Variants in EYS observed in about 807,000 individuals in gnomAD.
EYS encodes EGF-like photoreceptor maintenance factor.
Under a neutral mutation model 282.1 loss-of-function variants are expected in EYS, and 250 were observed. The ratio of observed to expected loss-of-function variants is 0.89; its 90% CI spans 0.80 to 0.98. EYS has a LOEUF of 0.98. Ranked by LOEUF, EYS falls within the 50% of genes least tolerant of loss-of-function variation. The pLI, the probability that EYS is intolerant of heterozygous loss-of-function variation, is 0.00. For synonymous variants in EYS, 1,355 were observed against 1,282.9 expected (o/e 1.06, Z -1.20); for missense variants, 4,016 against 3,709.0 (o/e 1.08, Z -2.15).
chr6:65,305,380 C>A (rs1365239244), intron 11 of EYS, among the ~76,000 whole-genome samples: 1 of 152,182 alleles, frequency 6.6e-6, no homozygotes, highest in East Asian at 1.9e-4. Context: ...ACAGCTGCTA[C>A]CATTAAGGAC....
intron 15 of EYS, among the ~76,000 whole-genome samples, chr6:64,939,429 G>C (rs184295344): frequency 2.8e-4 from 42 of 151,812 alleles, no homozygotes; most frequent in African/African-American, 1.0e-3. Context: ...GCCATGTCAG[G>C]GTTATCTAGA....
At chr6:65,362,263 T>G (rs1215743570) in intron 8 of EYS, among the ~76,000 whole-genome samples, 2 of 152,006 alleles carry the variant, frequency 1.3e-5, no homozygotes, top group Admixed American at 6.6e-5. Flanking sequence ...ACAAATAAAG[T>G]AAAAGAATGA....
intron 30 of EYS, among the ~76,000 whole-genome samples, chr6:64,233,985 G>A (rs1766510111): frequency 6.6e-6 from 1 of 152,182 alleles, no homozygotes. Context: ...ACAGACATTT[G>A]TCTGGCACAA....
At chr6:63,744,104 GA>G (rs1769150796) in intron 41 of EYS, 1 of 152,176 alleles carries the variant, frequency 6.6e-6, no homozygotes, top group Non-Finnish European at 1.5e-5. Context: ...CTTGGATTAT[GA>G]ATATATTTTA....
chr6:64,703,753 G>C (rs1770877510), intron 22 of EYS, among the ~76,000 whole-genome samples: 1 of 151,792 alleles, frequency 6.6e-6, no homozygotes. Flanking sequence ...GTTATTACAA[G>C]AACAAAAATG....
At chr6:64,234,880 CTT>C (rs11309411) in intron 30 of EYS, among the ~76,000 whole-genome samples, 1 of 146,496 alleles carries the variant, frequency 6.8e-6, no homozygotes, top group Admixed American at 6.8e-5. Flanking sequence ...GAACTTTATT[CTT>C]TTTTTTTTTC....
At chr6:64,681,680 T>A (rs1002050514) in intron 22 of EYS, among the ~76,000 whole-genome samples, 3 of 151,802 alleles carry the variant, frequency 2.0e-5, no homozygotes, top group Non-Finnish European at 2.9e-5. Context: ...CATCACAAGG[T>A]CAGGATGTTG....
intron 22 of EYS, among the ~76,000 whole-genome samples, chr6:64,777,086 A>G (rs902078092): frequency 1.1e-4 from 17 of 152,152 alleles, no homozygotes; most frequent in African/African-American, 3.9e-4. Flanking sequence ...ATCACATCTT[A>G]TGATAACTAA....
At position 65,046,010 on chromosome 6, in the gene EYS, C is replaced by A. The variant is rs1372561619; in HGVS notation, c.2137+11604G>T. Among the ~76,000 whole-genome samples the A allele has an allele frequency of 2.0e-5, 3 of 151,774 alleles. No individual in the cohort carries two copies. The East Asian group carries it at 5.8e-4, about 30-fold the overall frequency. On this transcript the variant is annotated intron_variant, in intron 13 of 42. Transcript: ENST00000503581. ...TGTTTCATTATTATTGCATCATATT[C>A]CTTTTGTCCCTCTTAAGCAACAGTT...
intron 26 of EYS, among the ~76,000 whole-genome samples, chr6:64,547,420 C>A (rs976891464): frequency 6.6e-6 from 1 of 152,098 alleles, no homozygotes; most frequent in Non-Finnish European, 1.5e-5. Flanking sequence ...TTATCCACCT[C>A]CCCACTAGAT....
Position 64,416,518 on chromosome 6 carries a change from C to CTTT in EYS, c.5927+19653_5927+19655dup, listed in dbSNP as rs371267333. Among the ~76,000 whole-genome samples, 1,181 of 139,830 alleles carry CTTT rather than the reference C, an allele frequency of 8.4e-3. 19 individuals carry two copies. Among genetic ancestry groups the CTTT allele is most frequent in the Middle Eastern group, 0.054 (14 of 258 alleles). The allele number at this position is 139,830 out of a possible 152,430, so 91.7% of individuals were successfully genotyped here. A position where few individuals can be genotyped will look rare whatever the true frequency, so the allele number is the denominator to read the frequency against. On this transcript the variant is annotated intron_variant, in intron 28 of 42. Coordinates refer to ENST00000503581, the MANE Select transcript of EYS (RefSeq NM_001142800.2). ...ATGAGTTCTTTATAAGCCGTTAGGT[C>CTTT]TTTTTTTTTTTTTCTTTTCCTCTGG...
At chr6:64,102,132 C>T (rs1772850624) in intron 31 of EYS, among the ~76,000 whole-genome samples, 3 of 151,932 alleles carry the variant, frequency 2.0e-5, no homozygotes, top group Non-Finnish European at 4.4e-5. Flanking sequence ...TGCTAGGAAC[C>T]CCTGGTCTAT....
intron 30 of EYS, among the ~76,000 whole-genome samples, chr6:64,302,892 A>T (rs566506847): frequency 1.3e-5 from 2 of 152,284 alleles, no homozygotes; most frequent in African/African-American, 2.4e-5. Flanking sequence ...GAAAAAGAGG[A>T]TATGCTTGTT....
intron 16 of EYS, among the ~76,000 whole-genome samples, chr6:64,905,614 A>G (rs1482977211): frequency 1.3e-5 from 2 of 152,256 alleles, no homozygotes; most frequent in Non-Finnish European, 2.9e-5. Context: ...TTTAAAACCT[A>G]CTGCTCAAAT....
At chr6:64,954,700 T>C (rs908883592) in intron 14 of EYS, among the ~76,000 whole-genome samples, 9 of 152,086 alleles carry the variant, frequency 5.9e-5, no homozygotes, top group African/African-American at 1.9e-4. Flanking sequence ...AATTAGCAAC[T>C]GAGGCAGAGC....
At chr6:65,247,635 C>A (rs1767213135) in intron 12 of EYS, among the ~76,000 whole-genome samples, 1 of 152,010 alleles carries the variant, frequency 6.6e-6, no homozygotes, top group Non-Finnish European at 1.5e-5. Flanking sequence ...AATGATCTCA[C>A]TATGCATTCT....
At position 64,116,320 on chromosome 6, in the gene EYS, G is replaced by A. The variant is rs1773384029; in HGVS notation, c.6425-34318C>T. ...ATATGGCTATCAGTGGATTTCTCAG[G>A]AAGAACTTCGTAGTCCAGGAAAGAA... is the stretch of plus-strand genomic sequence containing the variant. On this transcript the variant is annotated intron_variant, in intron 31 of 42. Transcript: ENST00000503581. 2.0e-5 allele frequency among the ~76,000 whole-genome samples: 3 copies of A among 152,066 alleles called. No individual in the cohort carries two copies. The South Asian group carries it at 6.2e-4, about 32-fold the overall frequency.
chr6:64,829,465 A>G (rs1174145918), intron 19 of EYS, among the ~76,000 whole-genome samples: 4 of 151,988 alleles, frequency 2.6e-5, no homozygotes, highest in Non-Finnish European at 4.4e-5. Context: ...TCTCCTGCCA[A>G]TAGATGTTTG....
chr6:65,650,407 A>G (rs1767613060), intron 1 of EYS, among the ~76,000 whole-genome samples: 1 of 152,166 alleles, frequency 6.6e-6, no homozygotes, highest in Non-Finnish European at 1.5e-5. Flanking sequence ...ACTATTTAGC[A>G]TGCCAGGCTG....
Sources: allele counts gnomAD v4.1 joint callset (sites outside exome capture counted in the v4.1 genomes callset), GRCh38; gene constraint gnomAD v4.1.1; transcripts MANE v1.5; gene names NCBI Gene and HGNC (gene_info 2026-07-23, HGNC 2026-07-21).